Variants in IL26 observed in about 807,000 individuals in gnomAD.
IL26 encodes the protein interleukin-26.
Under a neutral mutation model 21.7 loss-of-function variants are expected in IL26, and 23 were observed. That is an observed-to-expected ratio of 1.06 (90% CI 0.76 to 1.50). The LOEUF is 1.50. Ranked by LOEUF, IL26 falls within the 40% of genes most tolerant of loss-of-function variation. The pLI is 0.00. For synonymous variants in IL26, 63 were observed against 67.8 expected, an observed-to-expected ratio of 0.93 and a Z score of 0.34; for missense variants, 204 against 196.0, an observed-to-expected ratio of 1.04 and a Z score of -0.24.
rs768726824 is a variant in IL26 at position 68,201,838 on chromosome 12, C to T, written c.*7G>A. The T allele has an allele frequency of 9.6e-6, 15 of 1,558,758 alleles. No homozygotes were observed. The East Asian group carries it at 2.7e-4, about 28-fold the overall frequency. ...ATAACTGTAAAATCAATGTACTTGG[C>T]TTTGGTTTACTGACTGCTTTCCAAT... On this transcript the variant is annotated 3_prime_UTR_variant, in exon 5 of 5. Coordinates refer to ENST00000229134, the MANE Select transcript of IL26 (RefSeq NM_018402.2).
At chr12:68,214,286 G>A (rs575540317) in intron 3 of IL26, among the ~76,000 whole-genome samples, 1 of 152,270 alleles carries the variant, frequency 6.6e-6, no homozygotes, top group African/African-American at 2.4e-5. Context: ...AGTCTTTCTG[G>A]AGAATGTTCC....
intron 3 of IL26, among the ~76,000 whole-genome samples, chr12:68,218,865 C>T (rs1868967225): frequency 6.6e-6 from 1 of 151,882 alleles, no homozygotes; most frequent in Non-Finnish European, 1.5e-5. Context: ...AGACATAGCA[C>T]ACTAACATCA....
At chr12:68,205,209 T>A (rs1330636525) in intron 3 of IL26, among the ~76,000 whole-genome samples, 1 of 152,142 alleles carries the variant, frequency 6.6e-6, no homozygotes, top group Admixed American at 6.5e-5. Context: ...GCAATGCCTC[T>A]GCCATATAGC....
intron 3 of IL26, among the ~76,000 whole-genome samples, chr12:68,222,953 C>A (rs1439304077): frequency 6.6e-6 from 1 of 152,154 alleles, no homozygotes; most frequent in Non-Finnish European, 1.5e-5. Flanking sequence ...GTCTGCTAAG[C>A]CCTCTCCCAA....
intron 3 of IL26, among the ~76,000 whole-genome samples, chr12:68,204,389 C>A (rs11571057): frequency 6.6e-6 from 1 of 152,020 alleles, no homozygotes; most frequent in Non-Finnish European, 1.5e-5. Flanking sequence ...ATGATCTGCC[C>A]GCCTCGGCCT....
At chr12:68,209,180 G>A (rs1388345701) in intron 3 of IL26, among the ~76,000 whole-genome samples, 4 of 152,134 alleles carry the variant, frequency 2.6e-5, no homozygotes, top group East Asian at 1.9e-4. Flanking sequence ...ACCCAACACC[G>A]GGTCGTGGGG....
chr12:68,211,822 A>G (rs1868739065), intron 3 of IL26, among the ~76,000 whole-genome samples: 1 of 152,026 alleles, frequency 6.6e-6, no homozygotes, highest in South Asian at 2.1e-4. Flanking sequence ...CCGATTCTGT[A>G]GGTTGCCTTC....
chr12:68,201,945 A>G lies in IL26; in HGVS notation c.430-14T>C. 1 of 1,583,460 alleles carries G rather than the reference A, an allele frequency of 6.3e-7. No individual in the cohort carries two copies. ...TTTGTTTCCAATCTGCAGATAAAGT[A>G]CAGATATAAGAGAATAAATTTTTCC... On this transcript the variant is annotated splice_polypyrimidine_tract_variant and intron_variant, in intron 4 of 4. Coordinates refer to ENST00000229134, the MANE Select transcript of IL26 (RefSeq NM_018402.2).
intron 3 of IL26, among the ~76,000 whole-genome samples, chr12:68,224,576 G>A (rs6581800): frequency 0.63 from 95,354 of 150,326 alleles, 31,233 homozygotes; most frequent in African/African-American, 0.82. Context: ...AGTTATTATT[G>A]TTATGGGAAA....
intron 3 of IL26, among the ~76,000 whole-genome samples, chr12:68,222,898 A>G (rs1298677303): frequency 1.3e-5 from 2 of 152,218 alleles, no homozygotes; most frequent in Non-Finnish European, 2.9e-5. Context: ...TTAACAAAAT[A>G]TCATATTTAA....
intron 3 of IL26, among the ~76,000 whole-genome samples, chr12:68,221,484 G>A (rs1869043838): frequency 6.6e-6 from 1 of 152,132 alleles, no homozygotes; most frequent in Non-Finnish European, 1.5e-5. Flanking sequence ...AAGAATAAAT[G>A]GAAAGGAGGT....
chr12:68,223,284 T>C (rs545923299), intron 3 of IL26, among the ~76,000 whole-genome samples: 33 of 152,152 alleles, frequency 2.2e-4, no homozygotes, highest in Admixed American at 1.6e-3. Context: ...CCTAGCGAGA[T>C]TGATGAGATG....
chr12:68,225,050 C>A, intron 3 of IL26, 99 bp downstream of exon 3: 1 of 1,244,998 alleles, frequency 8.0e-7, no homozygotes. Context: ...AATTACAAAG[C>A]TCGTTTTACT....
chr12:68,212,067 T>G (rs868678432), intron 3 of IL26, among the ~76,000 whole-genome samples: 1 of 152,240 alleles, frequency 6.6e-6, no homozygotes, highest in Middle Eastern at 3.4e-3. Flanking sequence ...CTGTGAGAGA[T>G]AGGAGTTTAG....
At chr12:68,217,022 A>G (rs1274979309) in intron 3 of IL26, among the ~76,000 whole-genome samples, 1 of 152,164 alleles carries the variant, frequency 6.6e-6, no homozygotes, top group Non-Finnish European at 1.5e-5. Context: ...ATGTCTTCTT[A>G]CATAAACAAT....
chr12:68,209,715 C>T (rs186822287), intron 3 of IL26, among the ~76,000 whole-genome samples: 4 of 152,192 alleles, frequency 2.6e-5, no homozygotes, highest in South Asian at 2.1e-4. Flanking sequence ...TGCAAGCCCC[C>T]GCCTCAGCTT....
intron 3 of IL26, among the ~76,000 whole-genome samples, chr12:68,204,687 T>TAA (rs112997718): frequency 3.4e-5 from 5 of 147,702 alleles, no homozygotes; most frequent in African/African-American, 4.9e-5. Flanking sequence ...ACTGTTCAAT[T>TAA]AAAAAAAAAA....
At chr12:68,201,982 A>C (rs759773515) in intron 4 of IL26, 36 bp downstream of exon 4, 3 of 1,552,200 alleles carry the variant, frequency 1.9e-6, no homozygotes, top group Non-Finnish European at 2.6e-6. Flanking sequence ...ATTTTAAAAA[A>C]CAAAGTTTTT....
At chr12:68,206,596 C>T (rs1193352795) in intron 3 of IL26, among the ~76,000 whole-genome samples, 1 of 152,200 alleles carries the variant, frequency 6.6e-6, no homozygotes, top group Non-Finnish European at 1.5e-5. Context: ...TTATCTCTTC[C>T]CTTCAAGGCT....
Sources: allele counts gnomAD v4.1 joint callset (sites outside exome capture counted in the v4.1 genomes callset), GRCh38; gene constraint gnomAD v4.1.1; transcripts MANE v1.5; gene names NCBI Gene and HGNC (gene_info 2026-07-23, HGNC 2026-07-21).